Variants in CHD9 observed in about 807,000 individuals in gnomAD.
The protein encoded by CHD9 is chromodomain helicase DNA binding protein 9.
Under a neutral mutation model 316.1 loss-of-function variants are expected in CHD9, and 77 were observed. The ratio of observed to expected loss-of-function variants is 0.24; its 90% CI spans 0.20 to 0.29. The LOEUF is 0.29. Among genes scored for constraint, CHD9 ranks in the 10% least tolerant of loss-of-function variants. CHD9 has a pLI of 1.00. For synonymous variants in CHD9, 1,129 were observed against 1,158.3 expected, an observed-to-expected ratio of 0.97 and a Z score of 0.51; for missense variants, 2,763 against 3,438.1, an observed-to-expected ratio of 0.80 and a Z score of 4.91.
At chr16:53,270,357 A>G (rs1475796962) in intron 22 of CHD9, among the ~76,000 whole-genome samples, 1 of 152,040 alleles carries the variant, frequency 6.6e-6, no homozygotes, top group Admixed American at 6.6e-5. Context: ...AATGTTGAAT[A>G]CCAAATATTA....
intron 1 of CHD9, among the ~76,000 whole-genome samples, chr16:53,059,743 AT>A (rs1267669536): frequency 6.6e-6 from 1 of 152,232 alleles, no homozygotes; most frequent in African/African-American, 2.4e-5. Flanking sequence ...GAGAGTAAAT[AT>A]TTTGAGCTTT....
chr16:53,193,265 G>A (rs1443598565), intron 2 of CHD9, among the ~76,000 whole-genome samples: 1 of 152,016 alleles, frequency 6.6e-6, no homozygotes. Context: ...TGGCTGACAC[G>A]GTGAAACCCT....
At chr16:53,209,099 A>G (rs112222646) in intron 2 of CHD9, among the ~76,000 whole-genome samples, 2 of 152,156 alleles carry the variant, frequency 1.3e-5, no homozygotes, top group Non-Finnish European at 2.9e-5. Flanking sequence ...AAAATTATTT[A>G]AAAATTTATT....
chr16:53,092,098 G>T (rs571404710), intron 1 of CHD9, among the ~76,000 whole-genome samples: 4 of 152,274 alleles, frequency 2.6e-5, no homozygotes, highest in African/African-American at 9.6e-5. Flanking sequence ...GCTGCCAACT[G>T]CAAAGGCAAA....
At chr16:53,064,605 G>A (rs2033315890) in intron 1 of CHD9, among the ~76,000 whole-genome samples, 1 of 152,152 alleles carries the variant, frequency 6.6e-6, no homozygotes, top group Admixed American at 6.5e-5. Flanking sequence ...TGCACTTGGA[G>A]CTAACCAGGC....
rs542388753 is a variant in CHD9 at position 53,072,605 on chromosome 16, G to A, written c.-165+17528G>A. Among the ~76,000 whole-genome samples, 3 of 151,630 alleles carry A rather than the reference G, an allele frequency of 2.0e-5. No homozygotes were observed. In the South Asian group the frequency reaches 6.3e-4, roughly 32 times the overall value. Reference sequence around the variant, plus strand: ...TATGTTGCCTGGTCTCGAACTCCTGGGTTCAAGCAATCCTCTTGCCTCAGC... The same window carrying A: ...TATGTTGCCTGGTCTCGAACTCCTGAGTTCAAGCAATCCTCTTGCCTCAGC... On this transcript the variant is annotated intron_variant, in intron 1 of 38. Coordinates refer to ENST00000447540, the MANE Select transcript of CHD9 (RefSeq NM_001308319.2).
chr16:53,305,496 TTTAC>T (rs2055876343), intron 31 of CHD9, among the ~76,000 whole-genome samples: 2 of 152,228 alleles, frequency 1.3e-5, no homozygotes, highest in East Asian at 3.8e-4. Flanking sequence ...AATTAGAAAT[TTTAC>T]ACAGTAGTTT....
At chr16:53,313,878 A>G (rs58611863) in intron 34 of CHD9, among the ~76,000 whole-genome samples, 46,874 of 150,894 alleles carry the variant, frequency 0.31, 7,417 homozygotes, top group Middle Eastern at 0.39. Context: ...GCATGAACCC[A>G]GGGGGCGGAG....
At chr16:53,128,133 C>G (rs1006492327) in intron 1 of CHD9, among the ~76,000 whole-genome samples, 1 of 152,108 alleles carries the variant, frequency 6.6e-6, no homozygotes, top group Non-Finnish European at 1.5e-5. Flanking sequence ...ATCCCTGTGT[C>G]CAGATAACAG....
intron 2 of CHD9, among the ~76,000 whole-genome samples, chr16:53,186,941 C>T (rs2044065490): frequency 6.6e-6 from 1 of 152,076 alleles, no homozygotes; most frequent in Non-Finnish European, 1.5e-5. Flanking sequence ...TATAAATTAC[C>T]CAGTGTCAGG....
chr16:53,094,223 C>T (rs1596963035), intron 1 of CHD9, among the ~76,000 whole-genome samples: 1 of 152,176 alleles, frequency 6.6e-6, no homozygotes, highest in East Asian at 1.9e-4. Flanking sequence ...CCTGGAACTC[C>T]TGCTGTGCAA....
At chr16:53,311,727 T>C (rs958311546) in intron 34 of CHD9, 4 of 152,320 alleles carry the variant, frequency 2.6e-5, no homozygotes, top group South Asian at 2.1e-4. Flanking sequence ...GAATAGTGAA[T>C]AGAGGATGGC....
chr16:53,260,044 A>T (rs2050950212), intron 19 of CHD9, among the ~76,000 whole-genome samples: 1 of 152,270 alleles, frequency 6.6e-6, no homozygotes, highest in South Asian at 2.1e-4. Context: ...TAGTTAAGGA[A>T]TTACTTGCAC....
At chr16:53,188,242 A>T (rs1461565379) in intron 2 of CHD9, among the ~76,000 whole-genome samples, 1 of 152,142 alleles carries the variant, frequency 6.6e-6, no homozygotes, top group Non-Finnish European at 1.5e-5. Flanking sequence ...TTAGTGATGG[A>T]TATTTCAGTT....
In CHD9 at chr16:53,245,490, G is replaced by T; in HGVS notation, c.3198+11G>T. The T allele has an allele frequency of 6.4e-7, 1 of 1,570,786 alleles. No individual in the cohort carries two copies. Among genetic ancestry groups the T allele is most frequent in the Non-Finnish European group, 8.6e-7 (1 of 1,163,976 alleles). On this transcript the variant is annotated intron_variant, in intron 14 of 38. Transcript: ENST00000447540. This position sits in a 1 kb window ranked among gnomAD's most constrained non-coding sequence, Gnocchi z 4.1. ...AAAACAGAGGAACAGGTATCCTATT[G>T]CTCTTTGTAAATACATTCATCGCAT...
intron 12 of CHD9, among the ~76,000 whole-genome samples, chr16:53,242,494 T>A (rs749976860): frequency 2.0e-4 from 30 of 152,202 alleles, no homozygotes; most frequent in Admixed American, 2.0e-4. Context: ...GTGTAAGTAA[T>A]AAGAACTAAT....
chr16:53,272,947 G>T (rs146299753), intron 22 of CHD9, among the ~76,000 whole-genome samples: 2 of 152,250 alleles, frequency 1.3e-5, no homozygotes, highest in African/African-American at 4.8e-5. Flanking sequence ...AAGTTAGCCA[G>T]GCGTGGTGGC....
chr16:53,293,920 C>G (rs1429613580), intron 29 of CHD9, among the ~76,000 whole-genome samples: 1 of 151,822 alleles, frequency 6.6e-6, no homozygotes, highest in African/African-American at 2.4e-5. Context: ...TGAACTCCAG[C>G]CTGAGTGACA....
chr16:53,318,351 G>GT lies in CHD9; in HGVS notation c.7713+18dup, dbSNP rs763026027. 11 of 1,581,748 alleles carry GT rather than the reference G, an allele frequency of 7.0e-6. No individual in the cohort carries two copies. The highest frequency in any genetic ancestry group is 4.5e-5 in the East Asian group (2 of 44,300). On this transcript the variant is annotated intron_variant, in intron 37 of 38. Transcript: ENST00000447540. The stretch of plus-strand genomic sequence containing the variant: ...AGAAATGCTAGAAAGGTATTTTAAT[G>GT]TTTTTTTCTTAATCTTTTGTATTGA...
Sources: gnomAD v4.1 joint callset for allele counts (sites outside exome capture counted in the v4.1 genomes callset) on GRCh38, gnomAD v4.1.1 for gene constraint, Gnocchi (gnomAD v3.1) non-coding constraint, MANE v1.5 for transcripts, NCBI Gene and HGNC (gene_info 2026-07-23, HGNC 2026-07-21) for gene names.